LRBA: variants seen among roughly 807,000 people sequenced by gnomAD.
LRBA encodes lipopolysaccharide-responsive and beige-like anchor protein.
Under a neutral mutation model 330.0 loss-of-function variants are expected in LRBA, and 176 were observed. The ratio of observed to expected loss-of-function variants is 0.53; its 90% confidence interval spans 0.47 to 0.60. LRBA has a LOEUF of 0.60. LRBA is among the 20% of genes least tolerant of loss of function. The pLI, the probability that LRBA is intolerant of heterozygous loss-of-function variation, is 0.00. For synonymous variants in LRBA, 1,230 were observed against 1,193.0 expected (o/e 1.03, Z -0.64); for missense variants, 3,259 against 3,444.8 (o/e 0.95, Z 1.35).
chr4:150,281,130 A>T (rs964027177), intron 55 of LRBA, among the ~76,000 whole-genome samples: 3 of 152,234 alleles, frequency 2.0e-5, no homozygotes, highest in African/African-American at 7.2e-5. Flanking sequence ...TCAGCCAGGG[A>T]TCTCAAATTA....
At chr4:150,881,176 C>T (rs546004815) in intron 17 of LRBA, among the ~76,000 whole-genome samples, 2 of 152,144 alleles carry the variant, frequency 1.3e-5, no homozygotes, top group South Asian at 4.1e-4. Context: ...GGTACATATC[C>T]AAAATAAAAT....
intron 38 of LRBA, among the ~76,000 whole-genome samples, chr4:150,598,721 T>C (rs188403076): frequency 1.8e-4 from 28 of 152,328 alleles, no homozygotes; most frequent in Non-Finnish European, 3.4e-4. Context: ...TACTCAAAGC[T>C]GAATGTGTCG....
intron 2 of LRBA, among the ~76,000 whole-genome samples, chr4:150,978,041 TAG>T (rs1250875651): frequency 1.3e-5 from 2 of 152,116 alleles, no homozygotes; most frequent in African/African-American, 2.4e-5. Context: ...TGAGTGAATA[TAG>T]AGAGTAGCCA....
At chr4:150,271,010 T>G (rs1360254294) in intron 56 of LRBA, among the ~76,000 whole-genome samples, 4 of 152,180 alleles carry the variant, frequency 2.6e-5, no homozygotes, top group Non-Finnish European at 4.4e-5. Context: ...AGGTACCTGG[T>G]TCATCTCGTT....
intron 36 of LRBA, among the ~76,000 whole-genome samples, chr4:150,728,538 A>C (rs1730008162): frequency 1.3e-5 from 2 of 152,172 alleles, no homozygotes; most frequent in African/African-American, 2.4e-5. Context: ...AGGATGGTTC[A>C]ATGTATGCAA....
At chr4:150,734,378 T>C (rs1730913847) in intron 36 of LRBA, among the ~76,000 whole-genome samples, 1 of 152,168 alleles carries the variant, frequency 6.6e-6, no homozygotes, top group Non-Finnish European at 1.5e-5. Context: ...TTAAATTTTG[T>C]ACTTATATTC....
Position 150,955,075 on chromosome 4 carries a change from G to C in LRBA, c.217-26010C>G, listed in dbSNP as rs1579312116. Among the ~76,000 whole-genome samples, 5 of 148,596 alleles carry C rather than the reference G, an allele frequency of 3.4e-5. No individual in the cohort carries two copies. The East Asian group carries it at 7.8e-4, about 23-fold the overall frequency. On this transcript the variant is annotated intron_variant, in intron 2 of 56. Coordinates refer to ENST00000651943, the MANE Select transcript of LRBA (RefSeq NM_001364905.1). The stretch of plus-strand genomic sequence containing the variant: ...TGCATCACTTGAGCCCAGAGTTCGA[G>C]AATGGCCTGAGAAACATGGTGAAAC...
chr4:150,354,626 A>G (rs947857431), intron 47 of LRBA, among the ~76,000 whole-genome samples: 2 of 152,162 alleles, frequency 1.3e-5, no homozygotes, highest in Admixed American at 1.3e-4. Context: ...ATCAGATAAG[A>G]CTATGAAAAG....
chr4:150,813,394 TC>T (rs1744077978), intron 31 of LRBA, among the ~76,000 whole-genome samples: 1 of 152,080 alleles, frequency 6.6e-6, no homozygotes, highest in South Asian at 2.1e-4. Flanking sequence ...CTTAGACTAG[TC>T]CTTTTGGTTG....
chr4:150,801,322 T>C (rs1373664776), intron 33 of LRBA, among the ~76,000 whole-genome samples: 1 of 152,146 alleles, frequency 6.6e-6, no homozygotes, highest in Non-Finnish European at 1.5e-5. Context: ...TAAGTCGAAA[T>C]TTCAAATACA....
At chr4:150,268,105 A>AGTT (rs1356432305) in intron 56 of LRBA, among the ~76,000 whole-genome samples, 1 of 152,108 alleles carries the variant, frequency 6.6e-6, no homozygotes, top group African/African-American at 2.4e-5. Flanking sequence ...CAGAAATAAA[A>AGTT]GTTGGGACAT....
chr4:150,983,924 GCATT>G (rs1741144600), intron 2 of LRBA, among the ~76,000 whole-genome samples: 1 of 152,140 alleles, frequency 6.6e-6, no homozygotes, highest in Non-Finnish European at 1.5e-5. Context: ...ATTCATGTAT[GCATT>G]CATTTATTCA....
At chr4:150,460,907 T>C (rs1754698431) in intron 44 of LRBA, among the ~76,000 whole-genome samples, 1 of 151,868 alleles carries the variant, frequency 6.6e-6, no homozygotes, top group African/African-American at 2.4e-5. Context: ...TTTACTAGGA[T>C]AGTAATGACT....
Position 150,590,751 on chromosome 4 carries a change from A to G in LRBA, c.6155T>C (p.Leu2052Pro), listed in dbSNP as rs1013684276. The change falls in exon 39 of 57, where the codon CTG (leucine) becomes CCG (proline). Residue 2052 changes from leucine (L) to proline (P), a missense_variant. By Grantham distance (98) the Leu-to-Pro change is moderately conservative. Coordinates refer to ENST00000651943, the MANE Select transcript of LRBA (RefSeq NM_001364905.1). Reference sequence around the variant, plus strand: ...TAAATCTTTCTCATCCACGGATGACAGAGTATCATCATCGCCTTCCAGGAG... The same window carrying G: ...TAAATCTTTCTCATCCACGGATGACGGAGTATCATCATCGCCTTCCAGGAG... ...EILLEGDDDT[L>P]SSVDEKDLEN... The G allele has an allele frequency of 1.6e-5, 26 of 1,613,984 alleles. No homozygotes were observed. Among genetic ancestry groups the G allele is most frequent in the Non-Finnish European group, 2.0e-5 (24 of 1,179,986 alleles).
intron 37 of LRBA, among the ~76,000 whole-genome samples, chr4:150,639,825 A>ATATATATATATATATGTGTG (rs1778453737): frequency 1.1e-4 from 1 of 9,494 alleles, no homozygotes; most frequent in African/African-American, 2.2e-4. Context: ...GTGTGTATAT[A>ATATATATATATATATGTGTG]TATATATATA....
intron 40 of LRBA, among the ~76,000 whole-genome samples, chr4:150,538,739 T>C (rs746091179): frequency 1.3e-5 from 2 of 151,730 alleles, no homozygotes; most frequent in African/African-American, 4.8e-5. Context: ...GGCAGAATGA[T>C]TGCTTGAGCC....
chr4:150,589,725 T>C (rs1772578655), intron 39 of LRBA, among the ~76,000 whole-genome samples: 1 of 152,160 alleles, frequency 6.6e-6, no homozygotes. Context: ...GTCAAGATTA[T>C]ATAATTAAAC....
chr4:150,545,901 T>G (rs1177447445), intron 40 of LRBA, among the ~76,000 whole-genome samples: 2 of 152,162 alleles, frequency 1.3e-5, no homozygotes, highest in Non-Finnish European at 2.9e-5. Context: ...CAACTTCTGA[T>G]GCAACAGCTA....
At chr4:151,007,387 C>G (rs1389377537) in intron 2 of LRBA, among the ~76,000 whole-genome samples, 2 of 152,040 alleles carry the variant, frequency 1.3e-5, no homozygotes, top group African/African-American at 4.8e-5. Context: ...CACCTATAGT[C>G]CCAGCTACTT....
Sources: allele counts gnomAD v4.1 joint callset (sites outside exome capture counted in the v4.1 genomes callset), GRCh38; gene constraint gnomAD v4.1.1; transcripts MANE v1.5; gene names NCBI Gene and HGNC (gene_info 2026-07-23, HGNC 2026-07-21).